Variants in CWC22 observed in about 807,000 individuals in gnomAD.
CWC22 encodes the protein CWC22 spliceosome associated protein, also known as pre-mRNA-splicing factor CWC22 homolog.
In CWC22, 53 loss-of-function variants were observed where a neutral mutation model predicts 117.2. The ratio of observed to expected loss-of-function variants is 0.45; its 90% CI spans 0.36 to 0.57. The LOEUF is 0.57. Ranked by LOEUF, CWC22 falls within the 20% of genes least tolerant of loss-of-function variation. The pLI is 0.00. For missense variants in CWC22, 980 were observed against 1,068.8 expected, an observed-to-expected ratio of 0.92 and a Z score of 1.16; for synonymous variants, 360 against 355.6, an observed-to-expected ratio of 1.01 and a Z score of -0.14.
chr2:179,996,724 C>T (rs1288625387), intron 1 of CWC22, among the ~76,000 whole-genome samples: 2 of 151,218 alleles, frequency 1.3e-5, no homozygotes, highest in Non-Finnish European at 2.9e-5. Flanking sequence ...CACTTAAACA[C>T]GGTAAAGATG....
In CWC22 at chr2:179,965,872, G is replaced by T; in HGVS notation, c.1315+6C>A. The T allele has an allele frequency of 6.9e-7, 1 of 1,445,252 alleles. No homozygotes were observed. Among genetic ancestry groups the T allele is most frequent in the Non-Finnish European group, 9.7e-7 (1 of 1,028,128 alleles). 89.5% of individuals were successfully genotyped at this position (1,445,252 alleles called of 1,614,324 possible). ...ATAATATTATTTGAATATGCTACAT[G>T]TTTACCTTCTTCATCTTCTTCTCCC... On this transcript the variant is annotated splice_donor_region_variant and intron_variant, in intron 12 of 19. Coordinates refer to ENST00000410053, the MANE Select transcript of CWC22 (RefSeq NM_020943.3).
At chr2:179,986,511 C>T (rs1687422833) in intron 4 of CWC22, among the ~76,000 whole-genome samples, 184 bp downstream of exon 4, 1 of 152,170 alleles carries the variant, frequency 6.6e-6, no homozygotes, top group Non-Finnish European at 1.5e-5. Context: ...GACATACTAG[C>T]ACCTACTTCA....
At chr2:179,999,325 TA>T (rs1214207055) in intron 1 of CWC22, among the ~76,000 whole-genome samples, 1 of 152,122 alleles carries the variant, frequency 6.6e-6, no homozygotes, top group Non-Finnish European at 1.5e-5. Context: ...GGTGAATTAT[TA>T]AATTTCTTTC....
intron 2 of CWC22, among the ~76,000 whole-genome samples, chr2:179,991,988 G>A (rs545930674): frequency 2.0e-5 from 3 of 152,198 alleles, no homozygotes; most frequent in Non-Finnish European, 4.4e-5. Context: ...AAAGATTGCA[G>A]CAGAGGCTGC....
At chr2:179,950,416 A>C (rs913575136) in intron 19 of CWC22, 96 bp downstream of exon 19, 7 of 772,504 alleles carry the variant, frequency 9.1e-6, no homozygotes, top group Non-Finnish European at 1.4e-5. Flanking sequence ...CTGATCTCTA[A>C]GACAAATAAA....
chr2:179,964,417 G>A (rs1686835283), intron 13 of CWC22, 130 bp downstream of exon 13: 2 of 534,688 alleles, frequency 3.7e-6, no homozygotes, highest in African/African-American at 3.8e-5. Context: ...GCATGGGATG[G>A]GGGAGAGAGT....
chr2:179,970,764 C>A lies in CWC22; in HGVS notation c.1033G>T (p.Asp345Tyr). The change falls in exon 10 of 20, where the codon GAT (aspartate) becomes TAT (tyrosine). Residue 345 changes from aspartate to tyrosine, a missense_variant. This residue lies in a region of CWC22 where 559 missense variants were observed against 602.3 expected (regional missense o/e 0.93). Coordinates refer to ENST00000410053, the MANE Select transcript of CWC22 (RefSeq NM_020943.3). The stretch of plus-strand genomic sequence containing the variant: ...ATAATGGGGTGGTCCTTGAATCCAT[C>A]TTTCCGTACAGCAAACATCACTTCA... The part of the protein sequence containing the change: ...MIEVMFAVRK[D>Y]GFKDHPIILE... 1 of 1,613,716 alleles carries A rather than the reference C, an allele frequency of 6.2e-7. No individual in the cohort carries two copies. The highest frequency in any genetic ancestry group is 8.5e-7 in the Non-Finnish European group (1 of 1,179,700).
intron 13 of CWC22, among the ~76,000 whole-genome samples, chr2:179,963,335 CTTTT>C (rs774947016): frequency 6.1e-5 from 5 of 82,054 alleles, no homozygotes; most frequent in African/African-American, 1.6e-4. Flanking sequence ...ATATTTAATA[CTTTT>C]TTTTTTTTTT....
chr2:179,999,905 C>T (rs1687802515), intron 1 of CWC22, among the ~76,000 whole-genome samples: 1 of 152,070 alleles, frequency 6.6e-6, no homozygotes, highest in Admixed American at 6.5e-5. Flanking sequence ...TAAAATTATT[C>T]TAAATGCCAA....
chr2:179,993,193 C>T, intron 2 of CWC22, 122 bp downstream of exon 2: 2 of 729,506 alleles, frequency 2.7e-6, no homozygotes, highest in Non-Finnish European at 4.5e-6. Flanking sequence ...TACTTTTGCA[C>T]CAACCTAAGT....
chr2:179,998,702 A>G (rs1252026657), intron 1 of CWC22, among the ~76,000 whole-genome samples: 2 of 152,184 alleles, frequency 1.3e-5, no homozygotes, highest in Non-Finnish European at 1.5e-5. Flanking sequence ...ATAATGAAGC[A>G]CTACTTCTTT....
intron 1 of CWC22, among the ~76,000 whole-genome samples, chr2:179,997,420 G>A (rs543884327): frequency 6.6e-6 from 1 of 152,156 alleles, no homozygotes; most frequent in African/African-American, 2.4e-5. Flanking sequence ...CTCACCTGAG[G>A]ATGAGAGCCC....
chr2:179,949,797 T>C (rs1357956119), intron 19 of CWC22, among the ~76,000 whole-genome samples: 1 of 152,218 alleles, frequency 6.6e-6, no homozygotes, highest in Admixed American at 6.5e-5. Flanking sequence ...TATTGTGGTA[T>C]ATTCATATAG....
At chr2:179,963,931 T>G (rs1686825452) in intron 13 of CWC22, among the ~76,000 whole-genome samples, 1 of 152,220 alleles carries the variant, frequency 6.6e-6, no homozygotes, top group Non-Finnish European at 1.5e-5. Context: ...ACATACAAAC[T>G]ACCAGATGCA....
chr2:179,972,186 A>C (rs1266649307), intron 8 of CWC22, among the ~76,000 whole-genome samples: 2 of 152,232 alleles, frequency 1.3e-5, no homozygotes, highest in Non-Finnish European at 2.9e-5. Flanking sequence ...CATGTAAATA[A>C]GAATCAAAAT....
intron 11 of CWC22, among the ~76,000 whole-genome samples, chr2:179,966,907 T>C (rs1480805809): frequency 6.6e-6 from 1 of 152,228 alleles, no homozygotes; most frequent in Non-Finnish European, 1.5e-5. Flanking sequence ...ATAATGAAAG[T>C]TAGCAGAGAA....
intron 15 of CWC22, 37 bp downstream of exon 15, chr2:179,954,920 C>G (rs948341582): frequency 8.7e-7 from 1 of 1,149,842 alleles, no homozygotes; most frequent in African/African-American, 1.5e-5. Context: ...TTACAATATT[C>G]GTTTTAAGAA....
chr2:179,980,613 T>A (rs950821831), intron 5 of CWC22, among the ~76,000 whole-genome samples: 10 of 152,030 alleles, frequency 6.6e-5, no homozygotes, highest in African/African-American at 2.4e-4. Context: ...AGACAGGGTT[T>A]CACTATATTG....
chr2:180,004,719 T>A (rs1687930367), intron 1 of CWC22, among the ~76,000 whole-genome samples: 1 of 143,590 alleles, frequency 7.0e-6, no homozygotes, highest in South Asian at 2.4e-4. Context: ...AGAGTTAACT[T>A]CTAAAAATTC....
Sources: gnomAD v4.1 joint callset for allele counts (sites outside exome capture counted in the v4.1 genomes callset) on GRCh38, gnomAD v4.1.1 for gene constraint, gnomAD v4.1.1 regional missense constraint, MANE v1.5 for transcripts, NCBI Gene and HGNC (gene_info 2026-07-23, HGNC 2026-07-21) for gene names.